TRAPPC9: variants seen among roughly 807,000 people sequenced by gnomAD.
The protein encoded by TRAPPC9 is trafficking protein particle complex subunit 9, also known as IKK2 binding protein.
TRAPPC9 carries 83 observed loss-of-function variants against 124.0 expected under a neutral mutation model. The ratio of observed to expected loss-of-function variants is 0.67; its 90% CI spans 0.56 to 0.80. The LOEUF (loss-of-function observed/expected upper bound fraction) is 0.80. TRAPPC9 is among the 30% of genes least tolerant of loss of function. The pLI is 0.00. For synonymous variants in TRAPPC9, 638 were observed against 617.5 expected, an observed-to-expected ratio of 1.03 and a Z score of -0.49; for missense variants, 1,302 against 1,508.3, an observed-to-expected ratio of 0.86 and a Z score of 2.27.
chr8:140,383,517 C>T (rs916910595), intron 7 of TRAPPC9, among the ~76,000 whole-genome samples: 1 of 152,132 alleles, frequency 6.6e-6, no homozygotes, highest in Admixed American at 6.5e-5. Flanking sequence ...GTGACGAATG[C>T]ACATGCTTCA....
At chr8:140,308,142 A>G (rs1346527664) in intron 10 of TRAPPC9, among the ~76,000 whole-genome samples, 1 of 152,056 alleles carries the variant, frequency 6.6e-6, no homozygotes, top group Non-Finnish European at 1.5e-5. Context: ...ATAAAGCCTC[A>G]ACGAAGGAAC....
chr8:139,878,457 G>A (rs754282596), intron 21 of TRAPPC9, among the ~76,000 whole-genome samples: 9 of 150,802 alleles, frequency 6.0e-5, no homozygotes, highest in East Asian at 2.0e-4. Context: ...TGATCTAGCC[G>A]GAGGTTGAGA....
chr8:139,964,562 C>T (rs191225251), intron 19 of TRAPPC9, among the ~76,000 whole-genome samples: 25 of 152,296 alleles, frequency 1.6e-4, no homozygotes, highest in African/African-American at 5.8e-4. Flanking sequence ...GGCAGGGCAT[C>T]AGGGCTTTCG....
intron 17 of TRAPPC9, chr8:140,099,727 G>A (rs1468469664): frequency 6.6e-6 from 1 of 152,034 alleles, no homozygotes; most frequent in Non-Finnish European, 1.5e-5. Context: ...CACCCGCCCG[G>A]GTCTCTGCAG....
At chr8:139,921,610 TAG>T (rs1289717721) in intron 19 of TRAPPC9, among the ~76,000 whole-genome samples, 1 of 151,476 alleles carries the variant, frequency 6.6e-6, no homozygotes, top group Non-Finnish European at 1.5e-5. Flanking sequence ...AGCTGGCAGG[TAG>T]AGGGCTGTGG....
At chr8:140,023,857 A>G in intron 18 of TRAPPC9, 80 bp downstream of exon 18, 1 of 1,606,662 alleles carries the variant, frequency 6.2e-7, no homozygotes, top group Non-Finnish European at 8.5e-7. Context: ...GCATGACAAA[A>G]ACACACTGAG....
chr8:140,300,217 A>G (rs1221113257), intron 11 of TRAPPC9, among the ~76,000 whole-genome samples: 7 of 152,206 alleles, frequency 4.6e-5, no homozygotes, highest in African/African-American at 1.2e-4. Context: ...ACATGGACAC[A>G]TGTAAACACA....
At chr8:140,055,808 G>T (rs575609671) in intron 17 of TRAPPC9, among the ~76,000 whole-genome samples, 1 of 152,150 alleles carries the variant, frequency 6.6e-6, no homozygotes, top group Non-Finnish European at 1.5e-5. Context: ...GGAGGTGAAA[G>T]ACTTGTACAT....
Position 139,729,065 on chromosome 8 carries a change from T to C in TRAPPC9, c.*1996A>G, listed in dbSNP as rs1362768263. Among the ~76,000 whole-genome samples, 2 of 152,212 alleles carry C rather than the reference T, an allele frequency of 1.3e-5. No homozygotes were observed. Among genetic ancestry groups the C allele is most frequent in the East Asian group, 1.9e-4 (1 of 5,198 alleles). On this transcript the variant is annotated 3_prime_UTR_variant, in exon 23 of 23. Coordinates refer to ENST00000438773, the MANE Select transcript of TRAPPC9 (RefSeq NM_001160372.4). ...ATGTGTGTACCTGTATCTTGATCTA[T>C]TGTGCTTTTGAAAGGAAAGTACGTA... is the stretch of plus-strand genomic sequence containing the variant.
intron 1 of TRAPPC9, among the ~76,000 whole-genome samples, chr8:140,457,172 G>A (rs2071703945): frequency 1.3e-5 from 2 of 152,236 alleles, no homozygotes; most frequent in South Asian, 4.1e-4. Context: ...CTGGGCCCCA[G>A]GCCCCAGCCG....
At chr8:140,302,263 C>T (rs536944659) in intron 10 of TRAPPC9, among the ~76,000 whole-genome samples, 52 of 152,330 alleles carry the variant, frequency 3.4e-4, no homozygotes, top group Non-Finnish European at 6.3e-4. Flanking sequence ...GTGCTAACCC[C>T]GCGCCCTCCA....
At chr8:140,454,043 C>G (rs1035140447) in intron 1 of TRAPPC9, among the ~76,000 whole-genome samples, 1 of 152,192 alleles carries the variant, frequency 6.6e-6, no homozygotes, top group Non-Finnish European at 1.5e-5. Context: ...AATCCCAACA[C>G]TTTGGGAGAC....
At chr8:140,342,945 G>A (rs1036788689) in intron 9 of TRAPPC9, among the ~76,000 whole-genome samples, 18 of 152,120 alleles carry the variant, frequency 1.2e-4, no homozygotes, top group African/African-American at 3.6e-4. Flanking sequence ...CATACGACAC[G>A]TAGGGCTTTC....
chr8:140,129,042 T>C (rs949912959), intron 17 of TRAPPC9, among the ~76,000 whole-genome samples: 3 of 150,502 alleles, frequency 2.0e-5, no homozygotes, highest in African/African-American at 7.3e-5. Flanking sequence ...ACAGATCTGC[T>C]GCTCTGCCAA....
intron 17 of TRAPPC9, among the ~76,000 whole-genome samples, chr8:140,094,371 G>A (rs1844784305): frequency 6.6e-6 from 1 of 152,184 alleles, no homozygotes; most frequent in Admixed American, 6.5e-5. Flanking sequence ...GGCAGCGTAG[G>A]CAGGCGCAGA....
chr8:139,741,233 G>A (rs948660056), intron 21 of TRAPPC9, among the ~76,000 whole-genome samples: 2 of 152,192 alleles, frequency 1.3e-5, no homozygotes, highest in African/African-American at 4.8e-5. Flanking sequence ...CTCCTCCTTG[G>A]TGCTCCTCTG....
chr8:139,989,832 A>G (rs915855396), intron 18 of TRAPPC9, among the ~76,000 whole-genome samples: 3 of 152,204 alleles, frequency 2.0e-5, no homozygotes, highest in Admixed American at 6.5e-5. Context: ...TGATAGGTTA[A>G]CGTCACAGTT....
At chr8:140,136,479 A>G (rs1041383688) in intron 17 of TRAPPC9, among the ~76,000 whole-genome samples, 4 of 152,214 alleles carry the variant, frequency 2.6e-5, no homozygotes, top group African/African-American at 9.7e-5. Context: ...GGCAAGGAAC[A>G]GTGTGACACT....
intron 17 of TRAPPC9, among the ~76,000 whole-genome samples, chr8:140,214,602 T>C (rs773456333): frequency 6.6e-6 from 1 of 152,208 alleles, no homozygotes; most frequent in Non-Finnish European, 1.5e-5. Context: ...AACAATCCTA[T>C]GAAGGAAGCA....
Sources: gnomAD v4.1 joint callset for allele counts (sites outside exome capture counted in the v4.1 genomes callset) on GRCh38, gnomAD v4.1.1 for gene constraint, MANE v1.5 for transcripts, NCBI Gene and HGNC (gene_info 2026-07-23, HGNC 2026-07-21) for gene names.